LTBP1: variants seen among roughly 807,000 people sequenced by gnomAD.
LTBP1 encodes latent transforming growth factor beta binding protein 1.
Under a neutral mutation model 207.6 loss-of-function variants are expected in LTBP1, and 129 were observed. That is an observed-to-expected ratio of 0.62 (90% confidence interval 0.54 to 0.72). The LOEUF (loss-of-function observed/expected upper bound fraction) is 0.72. Among genes scored for constraint, LTBP1 ranks in the 30% least tolerant of loss-of-function variants. The probability of loss-of-function intolerance (pLI) is 0.00; values close to 1 mark genes in which losing one functional copy is unlikely to be tolerated. For missense variants in LTBP1, 2,281 were observed against 2,217.2 expected (o/e 1.03, Z -0.58); for synonymous variants, 963 against 833.7 (o/e 1.16, Z -2.67).
At chr2:33,325,324 A>G (rs2094412981) in intron 24 of LTBP1, among the ~76,000 whole-genome samples, 1 of 152,184 alleles carries the variant, frequency 6.6e-6, no homozygotes, top group Non-Finnish European at 1.5e-5. Context: ...AAATTAGAAA[A>G]TATAGAAAAA....
In LTBP1 at chr2:33,262,790, T is replaced by A; in HGVS notation, c.2487T>A (p.Ile829=). The stretch of plus-strand genomic sequence containing the variant: ...GTCAACCCCAGCTGTCTCCAGGCAT[T>A]TCCACTATTCATCTGCATCCACAGT... ...EPGQPQLSPG[I]STIHLHPQFP... The change falls in exon 14 of 34, where the codon ATT becomes ATA. Residue 829 remains isoleucine (I), a synonymous_variant. Coordinates refer to ENST00000404816, the MANE Select transcript of LTBP1 (RefSeq NM_206943.4). 1 of 1,606,796 alleles carries A rather than the reference T, an allele frequency of 6.2e-7. No homozygotes were observed. The highest frequency in any genetic ancestry group is 8.5e-7 in the Non-Finnish European group (1 of 1,175,472).
chr2:32,989,954 A>G (rs1031145064), intron 2 of LTBP1, among the ~76,000 whole-genome samples: 1 of 152,196 alleles, frequency 6.6e-6, no homozygotes, highest in African/African-American at 2.4e-5. Context: ...GTTAGCTATT[A>G]TTAATTTCCA....
intron 9 of LTBP1, among the ~76,000 whole-genome samples, chr2:33,241,023 ACT>A (rs1558870367): frequency 6.6e-6 from 1 of 152,216 alleles, no homozygotes; most frequent in Non-Finnish European, 1.5e-5. Flanking sequence ...CTAGTTGTAT[ACT>A]TAAGATTGAT....
At chr2:33,181,728 C>G (rs545191313) in intron 5 of LTBP1, among the ~76,000 whole-genome samples, 5 of 152,162 alleles carry the variant, frequency 3.3e-5, no homozygotes, top group Non-Finnish European at 5.9e-5. Flanking sequence ...AATATATGCC[C>G]CATGGCTAGC....
At chr2:33,182,699 T>TATAC (rs1553443098) in intron 5 of LTBP1, among the ~76,000 whole-genome samples, 2 of 78,844 alleles carry the variant, frequency 2.5e-5, no homozygotes, top group East Asian at 2.9e-4. Flanking sequence ...TATATATATA[T>TATAC]ACACACACAC....
At chr2:33,357,883 T>C (rs1254061646) in intron 26 of LTBP1, among the ~76,000 whole-genome samples, 1 of 152,200 alleles carries the variant, frequency 6.6e-6, no homozygotes, top group Non-Finnish European at 1.5e-5. Context: ...AGCTATTGAT[T>C]TGACCTTTTA....
intron 5 of LTBP1, among the ~76,000 whole-genome samples, chr2:33,184,279 C>T (rs1573035558): frequency 2.0e-5 from 3 of 152,144 alleles, no homozygotes; most frequent in East Asian, 3.9e-4. Context: ...AAATAACTTA[C>T]TGATAACAGA....
At chr2:33,128,878 C>G (rs564613292) in intron 4 of LTBP1, among the ~76,000 whole-genome samples, 6 of 152,330 alleles carry the variant, frequency 3.9e-5, no homozygotes, top group African/African-American at 1.4e-4. Flanking sequence ...AACTCTCAGT[C>G]ACAGCATTTC....
At chr2:33,163,304 G>C (rs931175386) in intron 5 of LTBP1, among the ~76,000 whole-genome samples, 5 of 152,176 alleles carry the variant, frequency 3.3e-5, no homozygotes, top group African/African-American at 1.2e-4. Context: ...ATTGTCACTT[G>C]ACATTGGTAA....
In LTBP1 at chr2:33,222,157, A is replaced by T; in HGVS notation, c.1876+6A>T. 1 of 1,598,796 alleles carries T rather than the reference A, an allele frequency of 6.3e-7. No homozygotes were observed. Among genetic ancestry groups the T allele is most frequent in the South Asian group, 1.1e-5 (1 of 90,860 alleles). On this transcript the variant is annotated splice_donor_region_variant and intron_variant, in intron 9 of 33. Coordinates refer to ENST00000404816, the MANE Select transcript of LTBP1 (RefSeq NM_206943.4). Reference sequence around the variant, plus strand: ...TAACAACACCTTTTGCCAAGGTAAGACTAACTGAATTCATTGATGTGGACT... The same window carrying T: ...TAACAACACCTTTTGCCAAGGTAAGTCTAACTGAATTCATTGATGTGGACT...
At chr2:33,102,166 T>G (rs912053015) in intron 3 of LTBP1, among the ~76,000 whole-genome samples, 2 of 152,198 alleles carry the variant, frequency 1.3e-5, no homozygotes, top group Non-Finnish European at 2.9e-5. Flanking sequence ...TGTCTGTCAT[T>G]GGCTCTTCAT....
intron 23 of LTBP1, among the ~76,000 whole-genome samples, chr2:33,310,624 C>T (rs1348549566): frequency 6.6e-6 from 1 of 152,170 alleles, no homozygotes; most frequent in Non-Finnish European, 1.5e-5. Context: ...TTTCCCACTA[C>T]TCTTCCCTAC....
At chr2:33,244,464 A>G (rs1008866557) in intron 10 of LTBP1, among the ~76,000 whole-genome samples, 3 of 152,238 alleles carry the variant, frequency 2.0e-5, no homozygotes, top group African/African-American at 7.2e-5. Context: ...GTTCTGAAAG[A>G]TAGTTTCACC....
At chr2:32,958,158 CG>C (rs1678400204) in intron 2 of LTBP1, among the ~76,000 whole-genome samples, 1 of 151,984 alleles carries the variant, frequency 6.6e-6, no homozygotes, top group East Asian at 1.9e-4. Context: ...TGTGTAATCT[CG>C]GACAGTCAAG....
intron 4 of LTBP1, among the ~76,000 whole-genome samples, chr2:33,132,866 G>C (rs2081897896): frequency 6.6e-6 from 1 of 152,178 alleles, no homozygotes; most frequent in South Asian, 2.1e-4. Context: ...TTATCTCAAA[G>C]ATAACTTATT....
chr2:33,397,834 T>G (rs2095373833), intron 33 of LTBP1, among the ~76,000 whole-genome samples: 1 of 152,112 alleles, frequency 6.6e-6, no homozygotes, highest in African/African-American at 2.4e-5. Context: ...TTCTCCATCT[T>G]GAAGCAGTCC....
At chr2:33,036,968 T>C (rs1278438329) in intron 3 of LTBP1, among the ~76,000 whole-genome samples, 1 of 152,202 alleles carries the variant, frequency 6.6e-6, no homozygotes, top group Non-Finnish European at 1.5e-5. Flanking sequence ...TCCAGAGTAG[T>C]TACATTGATC....
chr2:33,183,206 A>T (rs2086853760), intron 5 of LTBP1, among the ~76,000 whole-genome samples: 1 of 152,150 alleles, frequency 6.6e-6, no homozygotes, highest in Non-Finnish European at 1.5e-5. Flanking sequence ...CATTACAGCC[A>T]CCTTCCAATT....
intron 2 of LTBP1, among the ~76,000 whole-genome samples, chr2:32,954,818 C>T (rs988412658): frequency 2.0e-5 from 3 of 152,154 alleles, no homozygotes; most frequent in Admixed American, 1.3e-4. Context: ...TTTGACTGGG[C>T]CCCTGCCACA....
Sources: allele counts gnomAD v4.1 joint callset (sites outside exome capture counted in the v4.1 genomes callset), GRCh38; gene constraint gnomAD v4.1.1; transcripts MANE v1.5; gene names NCBI Gene and HGNC (gene_info 2026-07-23, HGNC 2026-07-21).